NCOR2: variants seen among roughly 807,000 people sequenced by gnomAD.
NCOR2 encodes nuclear receptor corepressor 2.
NCOR2 carries 81 observed loss-of-function variants against 262.9 expected under a neutral mutation model. The ratio of observed to expected loss-of-function variants is 0.31; its 90% CI spans 0.26 to 0.37. NCOR2 has a LOEUF of 0.37. NCOR2 is among the 10% of genes least tolerant of loss of function. NCOR2 has a pLI of 1.00. For synonymous variants in NCOR2, 1,659 were observed against 1,559.3 expected (o/e 1.06, Z -1.51); for missense variants, 3,385 against 3,621.4 (o/e 0.93, Z 1.68).
At position 124,440,627 on chromosome 12, in the gene NCOR2, TGGGG is replaced by T. The variant is rs2044751247; in HGVS notation, c.816-2635_816-2632del. ...ATGTGCCAGGCACTGTTCCAGGTGC[TGGGG>T]ACACAGCAGGGAGCAAGACACAGTT... On this transcript the variant is annotated intron_variant, in intron 7 of 46. Coordinates refer to ENST00000405201, the Ensembl canonical transcript of NCOR2. The surrounding 1 kb of genome is among the most constrained non-coding windows in gnomAD (Gnocchi z 5.7). 6.6e-6 allele frequency among the ~76,000 whole-genome samples: 1 copy of T among 152,234 alleles called. No individual in the cohort carries two copies. The highest frequency in any genetic ancestry group is 2.4e-5 in the African/African-American group (1 of 41,456).
At chr12:124,465,039 T>C (rs1336650458) in intron 5 of NCOR2, among the ~76,000 whole-genome samples, 9 of 152,272 alleles carry the variant, frequency 5.9e-5, no homozygotes, top group Admixed American at 4.6e-4. Context: ...ATCCAGTAGT[T>C]CCCTGCCTCA....
intron 18 of NCOR2, among the ~76,000 whole-genome samples, chr12:124,374,702 T>C (rs979406995): frequency 1.3e-5 from 2 of 152,258 alleles, no homozygotes; most frequent in Admixed American, 6.5e-5. Flanking sequence ...TCCAATGGCC[T>C]GTTCAAGGCC....
At chr12:124,400,795 G>T in intron 14 of NCOR2, 122 bp from the exon 17 acceptor site, 1 of 1,282,380 alleles carries the variant, frequency 7.8e-7, no homozygotes, top group Non-Finnish European at 1.1e-6. Context: ...CTAATCGGAC[G>T]CTAGGAAAGA....
At position 124,348,328 on chromosome 12, in the gene NCOR2, A is replaced by G. The variant is rs747752136; in HGVS notation, c.3845-14T>C. 1.1e-5 allele frequency: 18 copies of G among 1,596,430 alleles called. No homozygotes were observed. Among genetic ancestry groups the G allele is most frequent in the Non-Finnish European group, 1.5e-5 (18 of 1,170,258 alleles). On this transcript the variant is annotated splice_polypyrimidine_tract_variant and intron_variant, in intron 28 of 46. Transcript: ENST00000405201. ...CAGACATGCCACCTGGAAACCACAC[A>G]AAGCACTCGGTGAGGAGCTGGGCAC...
chr12:124,360,013 A>G (rs1289037867), intron 22 of NCOR2, among the ~76,000 whole-genome samples: 1 of 152,228 alleles, frequency 6.6e-6, no homozygotes, highest in Non-Finnish European at 1.5e-5. Flanking sequence ...CCCTGGCCAC[A>G]CCAACGGGCT....
intron 5 of NCOR2, among the ~76,000 whole-genome samples, chr12:124,458,905 C>G (rs972219062): frequency 6.6e-6 from 1 of 152,148 alleles, no homozygotes; most frequent in African/African-American, 2.4e-5. Context: ...GGGAGAACCC[C>G]TAAGCCAGGC....
Position 124,503,106 on chromosome 12 carries a change from C to T in NCOR2, c.-117-7738G>A, listed in dbSNP as rs1317273444. On this transcript the variant is annotated intron_variant, in intron 1 of 46. Transcript: ENST00000404621. The surrounding 1 kb of genome is among the most constrained non-coding windows in gnomAD (Gnocchi z 4.3). ...ACCCACAAGGGTGCGGTCTGCCCTC[C>T]AGCTGAGACCAGGCAAGCCAAACCC... 6.6e-6 allele frequency among the ~76,000 whole-genome samples: 1 copy of T among 152,252 alleles called. No homozygotes were observed. Among genetic ancestry groups the T allele is most frequent in the Non-Finnish European group, 1.5e-5 (1 of 68,044 alleles).
intron 24 of NCOR2, 172 bp downstream of exon 26, chr12:124,355,260 C>T (rs970866830): frequency 1.5e-5 from 11 of 746,860 alleles, no homozygotes; most frequent in South Asian, 5.6e-5. Flanking sequence ...CCCCCAGGGA[C>T]GAGGCCCTGA....
chr12:124,357,728 C>T (rs1049023281), intron 22 of NCOR2, among the ~76,000 whole-genome samples: 6 of 152,276 alleles, frequency 3.9e-5, no homozygotes, highest in Admixed American at 2.0e-4. Flanking sequence ...GTTCACTCTC[C>T]GGCTCTTTGC....
chr12:124,416,624 CCCCGCGGCACAGATAGA>C (rs1054087500), intron 13 of NCOR2, among the ~76,000 whole-genome samples: 20 of 147,216 alleles, frequency 1.4e-4, no homozygotes, highest in African/African-American at 5.1e-4. Context: ...CACAGGGAGT[CCCCGCGGCACAGATAGA>C]CCCGTGGCAC....
chr12:124,420,991 C>T (rs1050386978), intron 12 of NCOR2, among the ~76,000 whole-genome samples: 1 of 152,266 alleles, frequency 6.6e-6, no homozygotes, highest in Admixed American at 6.5e-5. Context: ...TCGAGAAAGA[C>T]GTTTTATAAT....
chr12:124,541,417 T>G (rs1409138487), intron 1 of NCOR2, among the ~76,000 whole-genome samples: 3 of 2,476 alleles, frequency 1.2e-3, no homozygotes, highest in South Asian at 0.028. Flanking sequence ...TGGAGCTGGA[T>G]GGGGTGGGGA....
At chr12:124,552,677 C>CG (rs1285188626) in intron 1 of NCOR2, among the ~76,000 whole-genome samples, 2 of 151,976 alleles carry the variant, frequency 1.3e-5, no homozygotes, top group African/African-American at 2.4e-5. Context: ...CAAGTTTTTT[C>CG]GGGGGGGTTA....
chr12:124,370,394 G>A (rs541331939), intron 20 of NCOR2, among the ~76,000 whole-genome samples: 7 of 152,302 alleles, frequency 4.6e-5, no homozygotes, highest in African/African-American at 1.7e-4. Flanking sequence ...AATGTCCTAG[G>A]ACTTCCCCCT....
intron 46 of NCOR2, 51 bp from the exon 49 acceptor site, chr12:124,325,634 C>G: frequency 3.3e-6 from 4 of 1,204,986 alleles, no homozygotes; most frequent in Non-Finnish European, 4.2e-6. Flanking sequence ...GCCCGGCAGC[C>G]CCTGCTGGCC....
chr12:124,478,528 G>T (rs939390989), intron 3 of NCOR2, among the ~76,000 whole-genome samples: 1 of 152,136 alleles, frequency 6.6e-6, no homozygotes, highest in Non-Finnish European at 1.5e-5. Context: ...CCTGCCTCAG[G>T]CGCCCAGCTG....
At chr12:124,354,697 C>T in intron 25 of NCOR2, 115 bp from the exon 28 acceptor site, 3 of 1,314,130 alleles carry the variant, frequency 2.3e-6, no homozygotes, top group Non-Finnish European at 3.1e-6. Flanking sequence ...CACCATGTTC[C>T]AGCCAGGGCT....
At chr12:124,425,821 T>C (rs750687611) in intron 11 of NCOR2, among the ~76,000 whole-genome samples, 31 of 152,288 alleles carry the variant, frequency 2.0e-4, no homozygotes, top group Non-Finnish European at 1.9e-4. Context: ...GCATGCTGTG[T>C]GGCCTTTGTG....
chr12:124,490,771 GGTCTGCAACGTTGCCAACTGCAACGAA>G (rs1246625877), intron 1 of NCOR2, among the ~76,000 whole-genome samples: 2 of 152,308 alleles, frequency 1.3e-5, no homozygotes, highest in East Asian at 3.9e-4. Context: ...CTCCACCAAA[GGTCTGCAACGTTGCCAACTGCAACGAA>G]GTGGGCACAG....
Sources: allele counts gnomAD v4.1 joint callset (sites outside exome capture counted in the v4.1 genomes callset), GRCh38; gene constraint gnomAD v4.1.1; non-coding constraint Gnocchi (gnomAD v3.1); transcripts MANE v1.5; gene names NCBI Gene and HGNC (gene_info 2026-07-23, HGNC 2026-07-21).